ANKRD26: variants seen among roughly 807,000 people sequenced by gnomAD.
ANKRD26 encodes the protein ankyrin repeat domain-containing protein 26.
Under a neutral mutation model 208.7 loss-of-function variants are expected in ANKRD26, and 141 were observed. The observed-to-expected ratio is 0.68, with a 90% CI of 0.59 to 0.78. The LOEUF is 0.78. Ranked by LOEUF, ANKRD26 falls within the 30% of genes least tolerant of loss-of-function variation. ANKRD26 has a pLI of 0.00. For synonymous variants in ANKRD26, 636 were observed against 660.4 expected, an observed-to-expected ratio of 0.96 and a Z score of 0.57; for missense variants, 1,889 against 1,938.7, an observed-to-expected ratio of 0.97 and a Z score of 0.48.
chr10:26,979,214 A>T (rs1466534490), intron 5 of ANKRD26, among the ~76,000 whole-genome samples: 1 of 152,212 alleles, frequency 6.6e-6, no homozygotes, highest in Non-Finnish European at 1.5e-5. Flanking sequence ...GCGAGACTCC[A>T]TCTCAAAAAG....
intron 25 of ANKRD26, 101 bp downstream of exon 25, chr10:27,033,124 G>T: frequency 1.3e-4 from 96 of 725,366 alleles, no homozygotes; most frequent in Non-Finnish European, 1.8e-4. Flanking sequence ...TAATTATAAT[G>T]AAAACACAAA....
At chr10:27,062,142 C>G in intron 12 of ANKRD26, 1 of 985,322 alleles carries the variant, frequency 1.0e-6, no homozygotes, top group Non-Finnish European at 1.2e-6. Context: ...GATCTGTGGT[C>G]TTGATTCTTC....
At chr10:26,950,875 T>C in the ANKRD26 span, among the ~76,000 whole-genome samples, 1 of 152,164 alleles carries the variant, frequency 6.6e-6, no homozygotes, top group African/African-American at 2.4e-5. Flanking sequence ...TGATTCAGAA[T>C]TGATTTATTT....
chr10:27,066,065 G>A (rs1002532056), intron 11 of ANKRD26, among the ~76,000 whole-genome samples: 1 of 151,692 alleles, frequency 6.6e-6, no homozygotes, highest in Non-Finnish European at 1.5e-5. Flanking sequence ...ACTTCACCAT[G>A]TTGGCCAGGA....
intron 11 of ANKRD26, chr10:27,066,234 C>T (rs145284045): frequency 3.4e-6 from 1 of 296,630 alleles, no homozygotes; most frequent in Non-Finnish European, 6.1e-6. Flanking sequence ...GACTTCTAAG[C>T]CTTTTCTTTT....
Position 27,017,482 on chromosome 10 carries a change from C to G in ANKRD26, c.4506+20G>C, listed in dbSNP as rs2053335340. 1.2e-5 allele frequency: 19 copies of G among 1,611,888 alleles called. No homozygotes were observed. Among genetic ancestry groups the G allele is most frequent in the Non-Finnish European group, 1.6e-5 (19 of 1,179,286 alleles). ...CAATTTGCAGTGAAATGAACAAAGGCACACTACACATAAGCTAACCTGTAA... is the reference window on the plus strand; with the variant it reads ...CAATTTGCAGTGAAATGAACAAAGGGACACTACACATAAGCTAACCTGTAA... On this transcript the variant is annotated intron_variant, in intron 30 of 33. Transcript: ENST00000376087.
downstream of ANKRD26, among the ~76,000 whole-genome samples, chr10:26,989,739 T>G (rs1361060313): frequency 2.0e-5 from 3 of 152,104 alleles, no homozygotes; most frequent in Non-Finnish European, 4.4e-5. Flanking sequence ...CATGGAATCA[T>G]CAGGAGGTAG....
chr10:27,051,283 A>T (rs1295569105), intron 16 of ANKRD26: 1 of 1,288,936 alleles, frequency 7.8e-7, no homozygotes, highest in East Asian at 5.6e-5. Context: ...TTCTGGAACA[A>T]GTTCTGTATT....
At chr10:27,052,798 C>T (rs2054706653) in intron 16 of ANKRD26, among the ~76,000 whole-genome samples, 1 of 152,028 alleles carries the variant, frequency 6.6e-6, no homozygotes, top group Admixed American at 6.6e-5. Context: ...ATTTTCTGAC[C>T]TCATTCTTTC....
At chr10:26,990,434 G>A (rs2052465687), downstream of ANKRD26, among the ~76,000 whole-genome samples, 1 of 152,180 alleles carries the variant, frequency 6.6e-6, no homozygotes, top group Non-Finnish European at 1.5e-5. Flanking sequence ...TGTGCTGCTT[G>A]TTGACCTAGA....
chr10:27,059,329 G>C (rs1225399031), intron 15 of ANKRD26, among the ~76,000 whole-genome samples: 1 of 152,198 alleles, frequency 6.6e-6, no homozygotes, highest in Non-Finnish European at 1.5e-5. Context: ...GATACGGGTA[G>C]ATCTGAAAAA....
chr10:27,079,291 C>CA (rs1308639278), intron 6 of ANKRD26, 130 bp from the exon 7 acceptor site: 1 of 717,038 alleles, frequency 1.4e-6, no homozygotes, highest in Admixed American at 2.6e-5. Flanking sequence ...CAACTGTCTG[C>CA]ATATTAAATG....
intron 12 of ANKRD26, 69 bp downstream of exon 12, chr10:27,063,919 T>C: frequency 1.6e-6 from 2 of 1,257,512 alleles, no homozygotes; most frequent in Non-Finnish European, 2.3e-6. Context: ...TATTAGAATA[T>C]ATCAACAGTC....
intron 31 of ANKRD26, among the ~76,000 whole-genome samples, chr10:27,013,429 G>C (rs2053184393): frequency 6.6e-6 from 1 of 152,130 alleles, no homozygotes; most frequent in African/African-American, 2.4e-5. Context: ...TGCTCCACTG[G>C]TAAGATTCCT....
intron 1 of ANKRD26, 86 bp from the exon 2 acceptor site, chr10:27,093,885 C>T: frequency 1.8e-6 from 2 of 1,107,118 alleles, no homozygotes; most frequent in South Asian, 2.6e-5. Flanking sequence ...CATTAAATAG[C>T]ATGTTGATAT....
At chr10:26,979,015 G>T (rs2052268122) in intron 5 of ANKRD26, among the ~76,000 whole-genome samples, 1 of 152,142 alleles carries the variant, frequency 6.6e-6, no homozygotes, top group African/African-American at 2.4e-5. Flanking sequence ...GAGGTCAGTA[G>T]ATCGAGACCA....
chr10:27,026,156 T>G (rs2053651162), intron 27 of ANKRD26, among the ~76,000 whole-genome samples: 1 of 152,216 alleles, frequency 6.6e-6, no homozygotes, highest in African/African-American at 2.4e-5. Context: ...CTGGAAAAGT[T>G]AGGGGCTATT....
chr10:26,948,977 A>G, the ANKRD26 span, among the ~76,000 whole-genome samples: 3 of 152,062 alleles, frequency 2.0e-5, no homozygotes, highest in Admixed American at 2.0e-4. Context: ...CCTGGGCAAC[A>G]AGAGTGAAAC....
downstream of ANKRD26, among the ~76,000 whole-genome samples, chr10:26,988,381 G>A (rs10829153): frequency 0.49 from 74,435 of 151,970 alleles, 20,424 homozygotes; most frequent in Non-Finnish European, 0.62. Flanking sequence ...TATAGTTTGA[G>A]TAAATATGAA....
Sources: gnomAD v4.1 joint callset for allele counts (sites outside exome capture counted in the v4.1 genomes callset) on GRCh38, gnomAD v4.1.1 for gene constraint, MANE v1.5 for transcripts, NCBI Gene and HGNC (gene_info 2026-07-23, HGNC 2026-07-21) for gene names.